The following PRELID2 variants were observed in gnomAD, a reference collection of about 807,000 sequenced individuals.
PRELID2 encodes PRELI domain-containing protein 2.
In PRELID2, 25 loss-of-function variants were observed where a neutral mutation model predicts 28.4. That is an observed-to-expected ratio of 0.88 (90% CI 0.64 to 1.23). The LOEUF is 1.23. Among genes scored for constraint, PRELID2 ranks in the 50% most tolerant of loss-of-function variants. The pLI is 0.00. For missense variants in PRELID2, 201 were observed against 214.4 expected, an observed-to-expected ratio of 0.94 and a Z score of 0.39; for synonymous variants, 76 against 71.6, an observed-to-expected ratio of 1.06 and a Z score of -0.31.
chr5:145,282,515 C>CT, the PRELID2 span, among the ~76,000 whole-genome samples: 17,956 of 141,574 alleles, frequency 0.13, 1,131 homozygotes, highest in African/African-American at 0.16. Flanking sequence ...GACAGCTCTT[C>CT]TTTTTTTTTT....
the PRELID2 span, among the ~76,000 whole-genome samples, chr5:145,379,402 G>T: frequency 3.9e-5 from 6 of 152,178 alleles, no homozygotes; most frequent in Non-Finnish European, 8.8e-5. Flanking sequence ...AGGGGTGAGG[G>T]GCTCCTTCTG....
In PRELID2 at chr5:145,764,930, C is replaced by A; in HGVS notation, c.*10+1G>T. 2.5e-6 allele frequency: 4 copies of A among 1,607,948 alleles called. No homozygotes were observed. The highest frequency in any genetic ancestry group is 1.3e-5 in the African/African-American group (1 of 74,896). ...ATTCTGACTTTGCTTTTGGTACTCA[C>A]TGATGATTCTTTATTCAGCTAAGGG... On this transcript the variant is annotated splice_donor_variant, in intron 6 of 6. Transcript: ENST00000683046. LOFTEE classifies it low-confidence loss of function (3UTR_SPLICE).
the PRELID2 span, among the ~76,000 whole-genome samples, chr5:145,234,630 T>C: frequency 1.3e-5 from 2 of 152,166 alleles, no homozygotes; most frequent in Non-Finnish European, 2.9e-5. Flanking sequence ...TTCCTTGGTC[T>C]ACAAGACAAG....
At chr5:145,573,917 C>A (rs1019974143) in intron 1 of PRELID2, among the ~76,000 whole-genome samples, 6 of 152,168 alleles carry the variant, frequency 3.9e-5, no homozygotes, top group African/African-American at 1.4e-4. Context: ...ATAAACTCTG[C>A]ATTCTGTGTG....
chr5:145,705,801 A>T (rs1416652642), intron 1 of PRELID2, among the ~76,000 whole-genome samples: 1 of 152,154 alleles, frequency 6.6e-6, no homozygotes, highest in Admixed American at 6.6e-5. Flanking sequence ...TGAACATTGA[A>T]ATGTGAATTT....
chr5:145,650,576 A>G (rs1028223012), intron 1 of PRELID2, among the ~76,000 whole-genome samples: 9 of 113,398 alleles, frequency 7.9e-5, no homozygotes, highest in African/African-American at 2.6e-4. Context: ...ATATATATAT[A>G]GACTAAAATA....
chr5:145,772,527 G>A (rs1758172517), intron 5 of PRELID2, among the ~76,000 whole-genome samples: 1 of 152,334 alleles, frequency 6.6e-6, no homozygotes, highest in Middle Eastern at 3.4e-3. Flanking sequence ...TTCTTGCTGT[G>A]TTATAACATG....
intron 1 of PRELID2, among the ~76,000 whole-genome samples, chr5:145,556,081 G>A (rs1483892017): frequency 6.6e-6 from 1 of 151,528 alleles, no homozygotes; most frequent in African/African-American, 2.4e-5. Context: ...TGGAGGCTGA[G>A]GCAGGAGAAT....
Position 145,530,632 on chromosome 5 carries a change from G to A in PRELID2, n.71-57317C>T, listed in dbSNP as rs138127545. Among the ~76,000 whole-genome samples, 423 of 152,074 alleles carry A rather than the reference G, an allele frequency of 2.8e-3. 6 individuals carry two copies. Among genetic ancestry groups the A allele is most frequent in the African/African-American group, 9.7e-3 (404 of 41,516 alleles). On this transcript the variant is annotated intron_variant and non_coding_transcript_variant, in intron 1 of 2. Transcript: ENST00000510259. ...GACTCTGGTAACGAACGCAGGAACCGGTTGGCAATGGTACCAAACAGTAGG... is the reference window on the plus strand; with the variant it reads ...GACTCTGGTAACGAACGCAGGAACCAGTTGGCAATGGTACCAAACAGTAGG...
chr5:145,250,421 C>T, the PRELID2 span, among the ~76,000 whole-genome samples: 2 of 152,094 alleles, frequency 1.3e-5, no homozygotes, highest in East Asian at 3.9e-4. Context: ...TGAACCAAGC[C>T]AACAGCTTCA....
the PRELID2 span, among the ~76,000 whole-genome samples, chr5:145,439,497 A>G: frequency 2.0e-5 from 3 of 152,048 alleles, no homozygotes; most frequent in African/African-American, 7.2e-5. Flanking sequence ...GATTCAGATT[A>G]TTCTCCCCCA....
chr5:145,702,414 TTC>T (rs1289207076), intron 1 of PRELID2, among the ~76,000 whole-genome samples: 1 of 152,230 alleles, frequency 6.6e-6, no homozygotes, highest in Non-Finnish European at 1.5e-5. Flanking sequence ...TGTTTTTCTT[TTC>T]TCTGTTTCTT....
chr5:145,794,105 T>C (rs992429611), intron 5 of PRELID2, among the ~76,000 whole-genome samples: 2 of 152,154 alleles, frequency 1.3e-5, no homozygotes, highest in African/African-American at 4.8e-5. Flanking sequence ...ATATATAATA[T>C]GTATGCTTGA....
chr5:145,278,237 A>G, the PRELID2 span, among the ~76,000 whole-genome samples: 1 of 152,136 alleles, frequency 6.6e-6, no homozygotes, highest in Non-Finnish European at 1.5e-5. Context: ...TGCATTAGTT[A>G]TCTATTGCTG....
chr5:145,685,483 T>G (rs905199756), intron 1 of PRELID2, among the ~76,000 whole-genome samples: 8 of 152,192 alleles, frequency 5.3e-5, no homozygotes. Flanking sequence ...CTGGCATAGA[T>G]AAGAATTTAG....
intron 5 of PRELID2, among the ~76,000 whole-genome samples, chr5:145,781,916 A>G (rs1459930032): frequency 1.3e-5 from 2 of 151,896 alleles, no homozygotes; most frequent in African/African-American, 4.8e-5. Context: ...AGTGGCCACA[A>G]ATTCCTATTT....
At chr5:145,741,933 T>C (rs1161729011) in intron 1 of PRELID2, among the ~76,000 whole-genome samples, 3 of 40,252 alleles carry the variant, frequency 7.5e-5, no homozygotes, top group Non-Finnish European at 1.9e-4. Context: ...AATAAATTTA[T>C]TATAAATAAA....
At chr5:145,414,018 A>G in the PRELID2 span, among the ~76,000 whole-genome samples, 2 of 152,198 alleles carry the variant, frequency 1.3e-5, no homozygotes, top group Non-Finnish European at 2.9e-5. Flanking sequence ...AAGAAAAGGG[A>G]GAAGAAAATA....
At chr5:145,241,834 C>T in the PRELID2 span, among the ~76,000 whole-genome samples, 1 of 151,878 alleles carries the variant, frequency 6.6e-6, no homozygotes, top group Non-Finnish European at 1.5e-5. Flanking sequence ...ACATCGTTTT[C>T]TTACATTTAC....
Sources: gnomAD v4.1 joint callset for allele counts (sites outside exome capture counted in the v4.1 genomes callset) on GRCh38, gnomAD v4.1.1 for gene constraint, MANE v1.5 for transcripts, NCBI Gene and HGNC (gene_info 2026-07-23, HGNC 2026-07-21) for gene names.